Variants in JAKMIP2 observed in about 807,000 individuals in gnomAD.
JAKMIP2 encodes janus kinase and microtubule interacting protein 2.
In JAKMIP2, 25 loss-of-function variants were observed where a neutral mutation model predicts 115.0. The observed-to-expected ratio is 0.22, with a 90% CI of 0.16 to 0.30. The LOEUF is 0.30. Among genes scored for constraint, JAKMIP2 ranks in the 10% least tolerant of loss-of-function variants. JAKMIP2 has a pLI of 1.00. For missense variants in JAKMIP2, 642 were observed against 957.6 expected (o/e 0.67, Z 4.35); for synonymous variants, 334 against 343.6 (o/e 0.97, Z 0.31).
At chr5:147,699,601 T>G (rs981294000) in intron 1 of JAKMIP2, among the ~76,000 whole-genome samples, 5 of 151,940 alleles carry the variant, frequency 3.3e-5, no homozygotes, top group African/African-American at 1.2e-4. Flanking sequence ...CTAGTTTTCT[T>G]GAACATCTTA....
rs1248448282 is a variant in JAKMIP2, at chr5:147,591,461, A to G, written c.*246T>C. 6 of 571,902 alleles carry G rather than the reference A, an allele frequency of 1.0e-5. No individual in the cohort carries two copies. Among genetic ancestry groups the G allele is most frequent in the Non-Finnish European group, 1.9e-5 (6 of 320,090 alleles). The allele number at this position is 571,902 out of a possible 1,614,324, so 35.4% of individuals were successfully genotyped here. On this transcript the variant is annotated 3_prime_UTR_variant, in exon 22 of 22. Coordinates refer to ENST00000616793, the MANE Select transcript of JAKMIP2 (RefSeq NM_001270941.2). ...GTTCTTCTCTTCTGATTTGACATAT[A>G]CATGTTTCATTAAATGCAGCATATA...
chr5:147,672,711 G>A (rs1001123055), intron 1 of JAKMIP2, among the ~76,000 whole-genome samples: 3 of 152,154 alleles, frequency 2.0e-5, no homozygotes, highest in African/African-American at 4.8e-5. Flanking sequence ...AGAAAGGCTC[G>A]CTGAAGAAGA....
At chr5:147,762,229 A>G (rs1157648645) in intron 1 of JAKMIP2, among the ~76,000 whole-genome samples, 2 of 152,176 alleles carry the variant, frequency 1.3e-5, no homozygotes, top group Admixed American at 6.6e-5. Flanking sequence ...TCCTTTTCTA[A>G]CTAAAATCAT....
intron 1 of JAKMIP2, among the ~76,000 whole-genome samples, chr5:147,754,332 G>A (rs928198553): frequency 6.6e-6 from 1 of 152,140 alleles, no homozygotes; most frequent in Admixed American, 6.6e-5. Context: ...TGGGCCCCAG[G>A]ATACAAAACA....
intron 1 of JAKMIP2, among the ~76,000 whole-genome samples, chr5:147,685,852 C>T (rs1760543141): frequency 6.6e-6 from 1 of 152,088 alleles, no homozygotes; most frequent in Non-Finnish European, 1.5e-5. Context: ...ATAATTGAGG[C>T]TTTTCTTTTC....
chr5:147,705,526 C>T (rs542256342), intron 1 of JAKMIP2, among the ~76,000 whole-genome samples: 12 of 152,038 alleles, frequency 7.9e-5, no homozygotes, highest in African/African-American at 2.7e-4. Flanking sequence ...GCCAACATTA[C>T]ACCACTGCAC....
intron 19 of JAKMIP2, among the ~76,000 whole-genome samples, chr5:147,616,312 C>A (rs1395090382): frequency 6.6e-6 from 1 of 152,152 alleles, no homozygotes; most frequent in African/African-American, 2.4e-5. Flanking sequence ...CTGGGAAAGG[C>A]ATATTCTAAT....
intron 1 of JAKMIP2, among the ~76,000 whole-genome samples, chr5:147,680,633 A>G (rs1561534837): frequency 6.6e-6 from 1 of 152,212 alleles, no homozygotes; most frequent in Non-Finnish European, 1.5e-5. Context: ...ATGAGATGCT[A>G]TTAGTGTTTA....
At chr5:147,658,553 T>C (rs895469123) in intron 3 of JAKMIP2, among the ~76,000 whole-genome samples, 2 of 152,008 alleles carry the variant, frequency 1.3e-5, no homozygotes, top group Admixed American at 6.6e-5. Context: ...GCTGGGAGAA[T>C]CTCCCTTGTC....
At chr5:147,705,244 T>A (rs1246266150) in intron 1 of JAKMIP2, among the ~76,000 whole-genome samples, 1 of 152,118 alleles carries the variant, frequency 6.6e-6, no homozygotes, top group Admixed American at 6.6e-5. Flanking sequence ...AGCAGTGGAT[T>A]ATTGGAGCCA....
chr5:147,638,852 A>G (rs1237882138), intron 10 of JAKMIP2, among the ~76,000 whole-genome samples: 1 of 152,108 alleles, frequency 6.6e-6, no homozygotes, highest in Non-Finnish European at 1.5e-5. Flanking sequence ...CTACTAAGCT[A>G]TTATTTCCTC....
Position 147,681,522 on chromosome 5 carries a change from A to G in JAKMIP2, c.-148-9568T>C, listed in dbSNP as rs560148770. On this transcript the variant is annotated intron_variant, in intron 1 of 21. Coordinates refer to ENST00000616793, the MANE Select transcript of JAKMIP2 (RefSeq NM_001270941.2). Reference sequence around the variant, plus strand: ...CCGGGTTTTCATTTTCACTTTGAAGATATTTCTTACAGCATTCATCACTGA... The same window carrying G: ...CCGGGTTTTCATTTTCACTTTGAAGGTATTTCTTACAGCATTCATCACTGA... Among the ~76,000 whole-genome samples, 228 of 152,322 alleles carry G rather than the reference A, an allele frequency of 1.5e-3. 1 individual carries two copies. The highest frequency in any genetic ancestry group is 2.3e-3 in the Non-Finnish European group (159 of 68,034).
At chr5:147,735,923 C>T (rs1009610832) in intron 1 of JAKMIP2, among the ~76,000 whole-genome samples, 3 of 152,256 alleles carry the variant, frequency 2.0e-5, no homozygotes, top group African/African-American at 7.2e-5. Flanking sequence ...GTTCTGGTCT[C>T]AGGTTGGAGT....
intron 1 of JAKMIP2, among the ~76,000 whole-genome samples, chr5:147,724,299 C>T (rs1753429634): frequency 6.6e-6 from 1 of 152,106 alleles, no homozygotes; most frequent in Non-Finnish European, 1.5e-5. Flanking sequence ...GTAAACATTC[C>T]AAACATACAT....
chr5:147,781,428 C>T (rs1014334872), intron 1 of JAKMIP2, among the ~76,000 whole-genome samples: 1 of 152,144 alleles, frequency 6.6e-6, no homozygotes, highest in East Asian at 1.9e-4. Flanking sequence ...GTTGGGGTGG[C>T]ATTTCAAGAA....
At position 147,650,349 on chromosome 5, in the gene JAKMIP2, A is replaced by G; in HGVS notation, c.826T>C (p.Cys276Arg). The change falls in exon 4 of 22, where the codon TGC becomes CGC. Residue 276 changes from cysteine (C) to arginine (R), a missense_variant. Around this residue, in one of 6 missense-constraint regions of JAKMIP2, gnomAD observed 439 missense variants for 570.9 expected, o/e 0.77. Coordinates refer to ENST00000616793, the MANE Select transcript of JAKMIP2 (RefSeq NM_001270941.2). ...TAGAATGGACTTACAGGACTGCTGC[A>G]GTGTTCGGAACCATCACCTGCCCTT... The part of the protein sequence containing the change: ...PGRAGDGSEH[C>R]SSPDLRRNQK... 6.2e-7 allele frequency: 1 copy of G among 1,607,144 alleles called. No homozygotes were observed. Among genetic ancestry groups the G allele is most frequent in the Non-Finnish European group, 8.5e-7 (1 of 1,173,650 alleles).
Position 147,718,241 on chromosome 5 carries a change from C to T in JAKMIP2, c.-148-46287G>A, listed in dbSNP as rs1469655565. Among the ~76,000 whole-genome samples the T allele has an allele frequency of 1.1e-4, 17 of 151,274 alleles. No homozygotes were observed. The East Asian group carries it at 1.2e-3, about 10-fold the overall frequency. The stretch of plus-strand genomic sequence containing the variant: ...AAGCTTTTTGATGTGCTGCTGGATT[C>T]GGTTTGTCAGTATTTTATTGAGGAT... On this transcript the variant is annotated intron_variant, in intron 1 of 21. Coordinates refer to ENST00000616793, the MANE Select transcript of JAKMIP2 (RefSeq NM_001270941.2).
At chr5:147,636,350 A>C in intron 11 of JAKMIP2, 66 bp from the exon 12 acceptor site, 3 of 1,374,894 alleles carry the variant, frequency 2.2e-6, no homozygotes, top group Non-Finnish European at 3.1e-6. Flanking sequence ...GTGTTGTCAA[A>C]CCACTTTGCC....
At chr5:147,696,166 C>T (rs183314339) in intron 1 of JAKMIP2, among the ~76,000 whole-genome samples, 38 of 152,136 alleles carry the variant, frequency 2.5e-4, no homozygotes, top group South Asian at 1.2e-3. Flanking sequence ...TTACTGAGAC[C>T]GACATGTTGC....
Sources: gnomAD v4.1 joint callset for allele counts (sites outside exome capture counted in the v4.1 genomes callset) on GRCh38, gnomAD v4.1.1 for gene constraint, gnomAD v4.1.1 regional missense constraint, MANE v1.5 for transcripts, NCBI Gene and HGNC (gene_info 2026-07-23, HGNC 2026-07-21) for gene names.